Variants in GRM8 observed in about 807,000 individuals in gnomAD.
GRM8 encodes the protein glutamate metabotropic receptor 8, also known as metabotropic glutamate receptor 8.
Under a neutral mutation model 87.2 loss-of-function variants are expected in GRM8, and 47 were observed. That is an observed-to-expected ratio of 0.54 (90% CI 0.43 to 0.69). The LOEUF (loss-of-function observed/expected upper bound fraction) is 0.69, where lower values mean the gene tolerates loss of function less well. GRM8 is among the 30% of genes least tolerant of loss of function. The pLI, the probability that GRM8 is intolerant of heterozygous loss-of-function variation, is 0.00. For synonymous variants in GRM8, 396 were observed against 404.5 expected, an observed-to-expected ratio of 0.98 and a Z score of 0.25; for missense variants, 1,019 against 1,139.2, an observed-to-expected ratio of 0.89 and a Z score of 1.52.
chr7:126,485,268 G>A (rs376564303), intron 9 of GRM8, among the ~76,000 whole-genome samples: 3 of 117,442 alleles, frequency 2.6e-5, no homozygotes, highest in East Asian at 2.4e-4. Flanking sequence ...ACATGACCCA[G>A]ATTTGGAGTT....
At chr7:127,147,804 A>G (rs578101707) in intron 2 of GRM8, among the ~76,000 whole-genome samples, 1 of 152,206 alleles carries the variant, frequency 6.6e-6, no homozygotes, top group African/African-American at 2.4e-5. Flanking sequence ...CAGAGAAAGA[A>G]TATTAGAGCT....
chr7:126,858,691 A>C (rs1434931388), intron 6 of GRM8, among the ~76,000 whole-genome samples: 1 of 152,174 alleles, frequency 6.6e-6, no homozygotes, highest in Non-Finnish European at 1.5e-5. Context: ...CCCGCCCTGC[A>C]AGAAAAGCAA....
intron 6 of GRM8, chr7:126,870,275 C>T (rs1798979652): frequency 6.6e-6 from 1 of 152,124 alleles, no homozygotes; most frequent in African/African-American, 2.4e-5. Context: ...CTATGCAGAC[C>T]ACTCAGACTT....
intron 8 of GRM8, among the ~76,000 whole-genome samples, chr7:126,559,150 C>CTTT (rs551929723): frequency 4.9e-5 from 6 of 122,034 alleles, no homozygotes; most frequent in African/African-American, 6.1e-5. Flanking sequence ...TAATCTTTTG[C>CTTT]TTTTTTTTTT....
intron 9 of GRM8, among the ~76,000 whole-genome samples, chr7:126,452,854 T>C (rs7790379): frequency 0.62 from 93,906 of 151,496 alleles, 29,287 homozygotes; most frequent in Middle Eastern, 0.75. Context: ...TACTTCTAAG[T>C]TTTCATAGAC....
intron 3 of GRM8, among the ~76,000 whole-genome samples, chr7:126,917,792 A>G: frequency 6.6e-6 from 1 of 152,316 alleles, no homozygotes. Flanking sequence ...GCGAACTTCA[A>G]AGTTTTACAT....
At chr7:126,465,589 G>A (rs1004770961) in intron 9 of GRM8, among the ~76,000 whole-genome samples, 1 of 151,486 alleles carries the variant, frequency 6.6e-6, no homozygotes, top group African/African-American at 2.4e-5. Context: ...TTATGCTGTT[G>A]TAAATTTTAT....
intron 3 of GRM8, among the ~76,000 whole-genome samples, chr7:126,907,451 C>G (rs1802833193): frequency 2.6e-5 from 4 of 152,002 alleles, no homozygotes; most frequent in Non-Finnish European, 4.4e-5. Context: ...AGATTGAGGA[C>G]TGCTCAGGGA....
intron 2 of GRM8, among the ~76,000 whole-genome samples, chr7:127,136,405 T>G (rs1454792216): frequency 6.6e-6 from 1 of 152,128 alleles, no homozygotes; most frequent in East Asian, 1.9e-4. Flanking sequence ...TTGTATTCAT[T>G]CTACCTCCTG....
chr7:127,189,273 T>C (rs2116471122), intron 2 of GRM8, among the ~76,000 whole-genome samples: 1 of 152,332 alleles, frequency 6.6e-6, no homozygotes, highest in East Asian at 1.9e-4. Flanking sequence ...CTGTAAACAG[T>C]AATTCTCAAG....
intron 2 of GRM8, among the ~76,000 whole-genome samples, chr7:127,195,100 G>A (rs926062477): frequency 3.9e-5 from 6 of 152,108 alleles, no homozygotes; most frequent in Non-Finnish European, 8.8e-5. Flanking sequence ...CACAATGGGT[G>A]CTTCAACTTT....
At chr7:127,102,843 T>C (rs943131623) in intron 3 of GRM8, among the ~76,000 whole-genome samples, 5 of 152,084 alleles carry the variant, frequency 3.3e-5, no homozygotes, top group Non-Finnish European at 7.4e-5. Flanking sequence ...CAAATGGAGC[T>C]GTTAGAAAGA....
chr7:126,984,455 T>C (rs1811851450), intron 3 of GRM8, among the ~76,000 whole-genome samples: 1 of 152,154 alleles, frequency 6.6e-6, no homozygotes, highest in Admixed American at 6.5e-5. Context: ...GAATATAAAG[T>C]GGGCAGAAAA....
At chr7:127,059,004 C>T (rs1820305493) in intron 3 of GRM8, among the ~76,000 whole-genome samples, 1 of 152,104 alleles carries the variant, frequency 6.6e-6, no homozygotes, top group African/African-American at 2.4e-5. Flanking sequence ...AACAGTGTCA[C>T]CTTGAGGTGC....
At chr7:126,478,585 A>C (rs2150583939) in intron 9 of GRM8, among the ~76,000 whole-genome samples, 1 of 152,232 alleles carries the variant, frequency 6.6e-6, no homozygotes, top group South Asian at 2.1e-4. Context: ...TATTTTGCAT[A>C]CTGTTTATTA....
intron 3 of GRM8, among the ~76,000 whole-genome samples, chr7:127,038,784 T>A (rs139897260): frequency 7.8e-4 from 119 of 152,374 alleles, no homozygotes; most frequent in African/African-American, 2.4e-3. Flanking sequence ...TATTTCTTTA[T>A]CTTCTTGGTT....
chr7:126,476,066 C>A (rs1471628690), intron 9 of GRM8, among the ~76,000 whole-genome samples: 1 of 151,950 alleles, frequency 6.6e-6, no homozygotes, highest in Non-Finnish European at 1.5e-5. Flanking sequence ...TTTTATACAA[C>A]ACCAAAAACA....
intron 6 of GRM8, among the ~76,000 whole-genome samples, chr7:126,818,791 A>G (rs1410932952): frequency 6.6e-6 from 1 of 152,198 alleles, no homozygotes; most frequent in Non-Finnish European, 1.5e-5. Flanking sequence ...AAACTTTGAC[A>G]AGGAAATGAT....
intron 7 of GRM8, among the ~76,000 whole-genome samples, chr7:126,748,037 A>G (rs1815918386): frequency 6.6e-6 from 1 of 152,012 alleles, no homozygotes; most frequent in African/African-American, 2.4e-5. Flanking sequence ...ATTTACCTAT[A>G]TTGGTACATC....
Sources: gnomAD v4.1 joint callset for allele counts (sites outside exome capture counted in the v4.1 genomes callset) on GRCh38, gnomAD v4.1.1 for gene constraint, MANE v1.5 for transcripts, NCBI Gene and HGNC (gene_info 2026-07-23, HGNC 2026-07-21) for gene names.